Variants in GRIA4 observed in about 807,000 individuals in gnomAD.
The protein encoded by GRIA4 is glutamate receptor 4.
GRIA4 carries 34 observed loss-of-function variants against 104.0 expected under a neutral mutation model. That is an observed-to-expected ratio of 0.33 (90% CI 0.25 to 0.44). GRIA4 has a LOEUF of 0.44. Ranked by LOEUF, GRIA4 falls within the 20% of genes least tolerant of loss-of-function variation. The pLI is 1.00. For synonymous variants in GRIA4, 386 were observed against 381.9 expected, an observed-to-expected ratio of 1.01 and a Z score of -0.13; for missense variants, 750 against 1,096.5, an observed-to-expected ratio of 0.68 and a Z score of 4.46.
chr11:105,971,191 A>G (rs1420393714), intron 14 of GRIA4, among the ~76,000 whole-genome samples: 1 of 152,198 alleles, frequency 6.6e-6, no homozygotes, highest in Non-Finnish European at 1.5e-5. Flanking sequence ...ATAGATGAAA[A>G]GATAAATAGA....
intron 4 of GRIA4, among the ~76,000 whole-genome samples, chr11:105,795,014 T>G (rs529101297): frequency 1.3e-5 from 2 of 152,260 alleles, no homozygotes; most frequent in East Asian, 3.9e-4. Flanking sequence ...TTTTGTTATT[T>G]AATGCATTAA....
At chr11:105,797,157 C>T (rs1942510970) in intron 4 of GRIA4, among the ~76,000 whole-genome samples, 3 of 151,704 alleles carry the variant, frequency 2.0e-5, no homozygotes, top group Non-Finnish European at 1.5e-5. Flanking sequence ...TGCAGTGAGC[C>T]GAGATCACGC....
At chr11:105,955,580 ACATGTGTG>A (rs2136248365) in intron 14 of GRIA4, among the ~76,000 whole-genome samples, 1 of 152,310 alleles carries the variant, frequency 6.6e-6, no homozygotes, top group East Asian at 1.9e-4. Flanking sequence ...GCTGCAATAA[ACATGTGTG>A]CATGTGTCTT....
intron 3 of GRIA4, among the ~76,000 whole-genome samples, chr11:105,727,335 A>G (rs1040835773): frequency 2.6e-5 from 4 of 152,072 alleles, no homozygotes; most frequent in African/African-American, 9.7e-5. Context: ...AAGATTAGAG[A>G]AAAAAGGATG....
At chr11:105,961,351 G>A (rs1023174296) in intron 14 of GRIA4, among the ~76,000 whole-genome samples, 53 of 152,018 alleles carry the variant, frequency 3.5e-4, no homozygotes, top group African/African-American at 1.3e-3. Context: ...TGACTTTAAA[G>A]GAATGTTCTT....
intron 3 of GRIA4, among the ~76,000 whole-genome samples, chr11:105,616,648 A>G (rs1044577126): frequency 6.6e-6 from 1 of 151,706 alleles, no homozygotes; most frequent in African/African-American, 2.4e-5. Context: ...CTAAGAGTTT[A>G]CACTGGACTA....
intron 4 of GRIA4, among the ~76,000 whole-genome samples, chr11:105,809,246 T>C (rs975341020): frequency 4.6e-5 from 7 of 152,174 alleles, no homozygotes; most frequent in African/African-American, 1.7e-4. Context: ...ATAATAGTTT[T>C]ACATATTTAT....
chr11:105,812,636 C>A (rs915965810), intron 4 of GRIA4, among the ~76,000 whole-genome samples: 1 of 152,132 alleles, frequency 6.6e-6, no homozygotes, highest in East Asian at 1.9e-4. Context: ...CCTCTTTCCC[C>A]TCCACTTCCC....
intron 4 of GRIA4, among the ~76,000 whole-genome samples, chr11:105,853,064 A>T (rs1377301746): frequency 1.3e-5 from 2 of 151,946 alleles, no homozygotes; most frequent in African/African-American, 4.8e-5. Context: ...TTTATGATTA[A>T]TTAATGAGAT....
chr11:105,689,667 G>C (rs1353224117), intron 3 of GRIA4, among the ~76,000 whole-genome samples: 1 of 152,112 alleles, frequency 6.6e-6, no homozygotes, highest in Non-Finnish European at 1.5e-5. Flanking sequence ...TTAGGAACAA[G>C]GATTTCAAAA....
At position 105,688,178 on chromosome 11, in the gene GRIA4, CTATCTATCTATT is replaced by C. The variant is rs1406368297; in HGVS notation, c.248-64795_248-64784del. The stretch of plus-strand genomic sequence containing the variant: ...TATCTCTATCTATCTATCTATCTAT[CTATCTATCTATT>C]TATCTATATGCTAACTGGCACATTT... On this transcript the variant is annotated intron_variant, in intron 3 of 16. Transcript: ENST00000282499. Among the ~76,000 whole-genome samples, 4 of 150,998 alleles carry C rather than the reference CTATCTATCTATT, an allele frequency of 2.6e-5. No individual in the cohort carries two copies. In the East Asian group the frequency reaches 7.8e-4, roughly 29 times the overall value.
chr11:105,636,107 A>G (rs972478694), intron 3 of GRIA4, among the ~76,000 whole-genome samples: 18 of 152,196 alleles, frequency 1.2e-4, no homozygotes, highest in African/African-American at 4.1e-4. Flanking sequence ...GATTTGGAAT[A>G]CAAAATAAGG....
chr11:105,863,036 T>A (rs941584277), intron 5 of GRIA4, among the ~76,000 whole-genome samples: 4 of 152,332 alleles, frequency 2.6e-5, no homozygotes, highest in African/African-American at 9.6e-5. Context: ...CAGACATGGG[T>A]AATATAATTT....
intron 3 of GRIA4, among the ~76,000 whole-genome samples, chr11:105,616,563 TTTG>T (rs1405005880): frequency 6.6e-6 from 1 of 151,674 alleles, no homozygotes; most frequent in African/African-American, 2.4e-5. Context: ...ATAATATTTT[TTTG>T]TTTAATTCAA....
chr11:105,623,669 C>G (rs1435213886), intron 3 of GRIA4, among the ~76,000 whole-genome samples: 1 of 152,056 alleles, frequency 6.6e-6, no homozygotes, highest in Non-Finnish European at 1.5e-5. Context: ...TTAAATGTCA[C>G]CTTCTCAGAA....
At chr11:105,717,687 C>CTTTG (rs745390884) in intron 3 of GRIA4, among the ~76,000 whole-genome samples, 24 of 151,752 alleles carry the variant, frequency 1.6e-4, no homozygotes, top group Non-Finnish European at 2.2e-4. Flanking sequence ...TAAGTACAGC[C>CTTTG]TTTGTTCTCT....
chr11:105,837,243 T>C (rs7126306), intron 4 of GRIA4, among the ~76,000 whole-genome samples: 3,302 of 152,178 alleles, frequency 0.022, 130 homozygotes, highest in African/African-American at 0.076. Flanking sequence ...ATTATGGGGA[T>C]TACAATTCGA....
chr11:105,919,890 G>C (rs1947512718), intron 11 of GRIA4, among the ~76,000 whole-genome samples: 1 of 152,010 alleles, frequency 6.6e-6, no homozygotes, highest in Non-Finnish European at 1.5e-5. Context: ...AAGACCCCTT[G>C]GAAATGGAGA....
chr11:105,973,903 A>C (rs952955670), intron 15 of GRIA4, among the ~76,000 whole-genome samples: 20 of 152,150 alleles, frequency 1.3e-4, no homozygotes, highest in African/African-American at 4.8e-4. Flanking sequence ...ATTCTAATAG[A>C]AGCAAAGCTA....
Sources: allele counts gnomAD v4.1 joint callset (sites outside exome capture counted in the v4.1 genomes callset), GRCh38; gene constraint gnomAD v4.1.1; transcripts MANE v1.5; gene names NCBI Gene and HGNC (gene_info 2026-07-23, HGNC 2026-07-21).